The following NAALADL2 variants were observed in gnomAD, a reference collection of about 807,000 sequenced individuals.
The protein encoded by NAALADL2 is N-acetylated alpha-linked acidic dipeptidase like 2.
A neutral mutation model predicts 87.2 loss-of-function variants in NAALADL2; 76 were observed. That is an observed-to-expected ratio of 0.87 (90% CI 0.72 to 1.05). NAALADL2 has a LOEUF of 1.05. Among genes scored for constraint, NAALADL2 ranks in the 50% least tolerant of loss-of-function variants. The pLI is 0.00. For missense variants in NAALADL2, 1,089 were observed against 945.8 expected, an observed-to-expected ratio of 1.15 and a Z score of -1.99; for synonymous variants, 354 against 331.0, an observed-to-expected ratio of 1.07 and a Z score of -0.75.
chr3:175,456,052 C>G (rs1722272059), intron 6 of NAALADL2, among the ~76,000 whole-genome samples: 1 of 151,966 alleles, frequency 6.6e-6, no homozygotes, highest in Admixed American at 6.6e-5. Context: ...CTTCAAATCT[C>G]TTTGAATAAG....
At chr3:175,209,330 C>T (rs771871289) in intron 2 of NAALADL2, among the ~76,000 whole-genome samples, 19 of 151,986 alleles carry the variant, frequency 1.3e-4, no homozygotes, top group Non-Finnish European at 2.6e-4. Flanking sequence ...TGCTATATTC[C>T]GTCTATCCAA....
chr3:174,709,375 A>G (rs1446149929), intron 2 of NAALADL2, among the ~76,000 whole-genome samples: 2 of 152,136 alleles, frequency 1.3e-5, no homozygotes, highest in Non-Finnish European at 2.9e-5. Flanking sequence ...TTCTCAAAGT[A>G]GTTTCTCATA....
chr3:174,539,443 T>A (rs1007426010), intron 1 of NAALADL2, among the ~76,000 whole-genome samples: 2 of 152,190 alleles, frequency 1.3e-5, no homozygotes, highest in Non-Finnish European at 2.9e-5. Context: ...TATATCATTT[T>A]ATAGTGTGGA....
At chr3:174,826,815 G>A (rs1032678811) in intron 3 of NAALADL2, among the ~76,000 whole-genome samples, 1 of 152,068 alleles carries the variant, frequency 6.6e-6, no homozygotes, top group African/African-American at 2.4e-5. Flanking sequence ...TTCCATTCTA[G>A]GAGTATGGTG....
chr3:175,198,500 A>G (rs1239944708), intron 2 of NAALADL2, among the ~76,000 whole-genome samples: 2 of 152,122 alleles, frequency 1.3e-5, no homozygotes, highest in Admixed American at 1.3e-4. Context: ...ATATACAAAT[A>G]TATGAAATAT....
chr3:175,439,993 G>A (rs552127680), intron 5 of NAALADL2, among the ~76,000 whole-genome samples: 4 of 152,070 alleles, frequency 2.6e-5, no homozygotes, highest in Admixed American at 2.0e-4. Context: ...TTTTCCCAAC[G>A]TTATCTTCTA....
At chr3:175,623,336 T>C (rs62284515) in intron 10 of NAALADL2, among the ~76,000 whole-genome samples, 26,642 of 143,644 alleles carry the variant, frequency 0.19, 2,488 homozygotes, top group African/African-American at 0.24. Context: ...TTCCATTTTA[T>C]AGTTAGTCCT....
intron 1 of NAALADL2, among the ~76,000 whole-genome samples, chr3:174,481,451 A>C (rs377450539): frequency 6.6e-6 from 1 of 152,002 alleles, no homozygotes; most frequent in East Asian, 1.9e-4. Flanking sequence ...GTGTTTACAT[A>C]AGAAATGCTA....
chr3:174,759,759 G>T lies in NAALADL2; in HGVS notation c.-9+22013G>T, dbSNP rs476190. Among the ~76,000 whole-genome samples, 29 of 151,192 alleles carry T rather than the reference G, an allele frequency of 1.9e-4. No homozygotes were observed. The East Asian group carries it at 5.3e-3, about 28-fold the overall frequency. The stretch of plus-strand genomic sequence containing the variant: ...CTTGTTGCCCAGGCTGGAGTGCAAC[G>T]GCATTATCTTGGCTCCCTGCAACCT... On this transcript the variant is annotated intron_variant, in intron 3 of 3. Coordinates refer to the NAALADL2 transcript ENST00000434257.
intron 2 of NAALADL2, chr3:175,124,457 C>CT (rs1726624860): frequency 6.6e-6 from 1 of 151,828 alleles, no homozygotes; most frequent in South Asian, 2.1e-4. Flanking sequence ...GGCATCTAAG[C>CT]AGGAATAGGA....
intron 2 of NAALADL2, among the ~76,000 whole-genome samples, chr3:174,646,102 T>A (rs539059374): frequency 1.3e-5 from 2 of 152,230 alleles, no homozygotes; most frequent in Admixed American, 1.3e-4. Context: ...TTAGATAAAT[T>A]GAAAAATCAG....
Position 175,553,651 on chromosome 3 carries a change from T to TA in NAALADL2, c.1654-22376dup, listed in dbSNP as rs5854639. On this transcript the variant is annotated intron_variant, in intron 9 of 13. Coordinates refer to ENST00000454872, the MANE Select transcript of NAALADL2 (RefSeq NM_207015.3). ...AAATGATTCATTTTGGGAGAAATAT[T>TA]AAAAAAAAAAAAAATTCCAGAGGCT... Among the ~76,000 whole-genome samples the TA allele has an allele frequency of 5.1e-4, 76 of 148,598 alleles. No individual in the cohort carries two copies. The East Asian group carries it at 0.013, about 26-fold the overall frequency.
chr3:174,614,808 T>C (rs1163783245), intron 2 of NAALADL2, among the ~76,000 whole-genome samples: 1 of 152,206 alleles, frequency 6.6e-6, no homozygotes, highest in Non-Finnish European at 1.5e-5. Flanking sequence ...TGTTGTTTTT[T>C]TAGAAATTCT....
chr3:175,557,282 T>G (rs4387986), intron 9 of NAALADL2, among the ~76,000 whole-genome samples: 12,043 of 152,194 alleles, frequency 0.079, 1,228 homozygotes, highest in African/African-American at 0.24. Flanking sequence ...TACATGGTAG[T>G]TGTATATATT....
chr3:175,190,648 G>T (rs971874020), intron 2 of NAALADL2, among the ~76,000 whole-genome samples: 1 of 152,110 alleles, frequency 6.6e-6, no homozygotes, highest in East Asian at 1.9e-4. Flanking sequence ...CAGTTACCAG[G>T]AGAAAATAAA....
chr3:175,530,110 C>A (rs2149442059), intron 9 of NAALADL2, among the ~76,000 whole-genome samples: 1 of 152,272 alleles, frequency 6.6e-6, no homozygotes. Flanking sequence ...ACCATGGCCA[C>A]TTTGTTCATG....
chr3:174,728,850 G>T (rs1732443024), intron 2 of NAALADL2, among the ~76,000 whole-genome samples: 1 of 152,084 alleles, frequency 6.6e-6, no homozygotes, highest in Non-Finnish European at 1.5e-5. Context: ...ACAGACAGCT[G>T]ATGGAGCTGG....
rs1721246100 is a variant in NAALADL2 at position 175,096,837 on chromosome 3, G to A, written c.91G>A (p.Gly31Arg). 2 of 1,608,388 alleles carry A rather than the reference G, an allele frequency of 1.2e-6. No individual in the cohort carries two copies. Among genetic ancestry groups the A allele is most frequent in the Non-Finnish European group, 1.7e-6 (2 of 1,177,262 alleles). Reference protein sequence around the residue: ...QKVHADQRAPGHSQYLDNDDL... With the variant: ...QKVHADQRAPRHSQYLDNDDL... ...GGTCCATGCAGATCAAAGAGCTCCA[G>A]GACACTCACAGTACTTAGACAATGA... The change falls in exon 2 of 14, where the codon GGA (glycine) becomes AGA (arginine). Residue 31 changes from glycine (G) to arginine (R), a missense_variant. Physicochemically the swap from Gly to Arg is moderately radical, Grantham distance 125. Transcript: ENST00000454872.
chr3:174,537,394 A>G (rs1366683506), intron 1 of NAALADL2, among the ~76,000 whole-genome samples: 1 of 152,220 alleles, frequency 6.6e-6, no homozygotes, highest in Non-Finnish European at 1.5e-5. Context: ...GACTTGAAAG[A>G]TCATGGAATG....
Sources: gnomAD v4.1 joint callset for allele counts (sites outside exome capture counted in the v4.1 genomes callset) on GRCh38, gnomAD v4.1.1 for gene constraint, MANE v1.5 for transcripts, NCBI Gene and HGNC (gene_info 2026-07-23, HGNC 2026-07-21) for gene names.